Variants in AFAP1L1 observed in about 807,000 individuals in gnomAD.
AFAP1L1 encodes actin filament-associated protein 1-like 1.
AFAP1L1 carries 77 observed loss-of-function variants against 99.8 expected under a neutral mutation model. The observed-to-expected ratio is 0.77, with a 90% confidence interval of 0.64 to 0.93. AFAP1L1 has a LOEUF of 0.93. AFAP1L1 is among the 40% of genes least tolerant of loss of function. The pLI, the probability that AFAP1L1 is intolerant of heterozygous loss-of-function variation, is 0.00. For synonymous variants in AFAP1L1, 373 were observed against 395.3 expected (o/e 0.94, Z 0.67); for missense variants, 893 against 996.8 (o/e 0.90, Z 1.40).
intron 6 of AFAP1L1, 41 bp from the exon 7 acceptor site, chr5:149,307,361 A>G (rs1437417217): frequency 6.2e-6 from 10 of 1,605,740 alleles, no homozygotes; most frequent in Non-Finnish European, 7.7e-6. Flanking sequence ...GTGCTTCCCC[A>G]GGATGGCACA....
intron 1 of AFAP1L1, among the ~76,000 whole-genome samples, chr5:149,275,496 C>CTT (rs1755288345): frequency 2.0e-5 from 3 of 151,332 alleles, no homozygotes; most frequent in Non-Finnish European, 4.4e-5. Context: ...TTCCTTCTTT[C>CTT]CTCTTTCTTC....
chr5:149,316,133 G>A lies in AFAP1L1; in HGVS notation c.1115-18G>A, dbSNP rs1425979058. ...GACTCAGGGCTCCCTCCACTCCCCT[G>A]ACCCATTTCCCCAACAGGCAAAGGG... On this transcript the variant is annotated intron_variant, in intron 10 of 18. Coordinates refer to ENST00000296721, the MANE Select transcript of AFAP1L1 (RefSeq NM_152406.4). 6.2e-7 allele frequency: 1 copy of A among 1,611,022 alleles called. No individual in the cohort carries two copies. Among genetic ancestry groups the A allele is most frequent in the African/African-American group, 1.3e-5 (1 of 74,896 alleles).
intron 16 of AFAP1L1, among the ~76,000 whole-genome samples, chr5:149,331,385 C>T (rs1014053059): frequency 7.9e-5 from 12 of 152,140 alleles, no homozygotes; most frequent in African/African-American, 2.9e-4. Flanking sequence ...CTTTGGGAGG[C>T]TGAGGTGGGC....
Position 149,320,360 on chromosome 5 carries a change from T to C in AFAP1L1, c.1626-31T>C. The C allele has an allele frequency of 6.2e-7, 1 of 1,607,614 alleles. No individual in the cohort carries two copies. The highest frequency in any genetic ancestry group is 8.5e-7 in the Non-Finnish European group (1 of 1,174,294). On this transcript the variant is annotated intron_variant, in intron 13 of 18. Coordinates refer to ENST00000296721, the MANE Select transcript of AFAP1L1 (RefSeq NM_152406.4). The surrounding 1 kb of genome is among the most constrained non-coding windows in gnomAD (Gnocchi z 4.0). Reference sequence around the variant, plus strand: ...GTAAGCTGCAAAGCATCATTGTCATTGTCATTGTCATCGTACATTTTATTT... The same window carrying C: ...GTAAGCTGCAAAGCATCATTGTCATCGTCATTGTCATCGTACATTTTATTT...
Position 149,300,213 on chromosome 5 carries a change from C to G in AFAP1L1, c.146-58C>G, listed in dbSNP as rs574749669. Reference sequence around the variant, plus strand: ...ATGTGGGCTAGAAGTATGAGTGGGACGGGGGAGACCTGGTCCCTCCTCCTT... The same window carrying G: ...ATGTGGGCTAGAAGTATGAGTGGGAGGGGGGAGACCTGGTCCCTCCTCCTT... On this transcript the variant is annotated intron_variant, in intron 2 of 18. Transcript: ENST00000296721. 19 of 1,301,838 alleles carry G rather than the reference C, an allele frequency of 1.5e-5. No individual in the cohort carries two copies. The South Asian group carries it at 2.4e-4, about 16-fold the overall frequency. 80.6% of individuals were successfully genotyped at this position (1,301,838 alleles called of 1,614,324 possible).
Position 149,341,075 on chromosome 5 carries a change from C to A in AFAP1L1, c.*1045C>A, listed in dbSNP as rs1418443716. On this transcript the variant is annotated 3_prime_UTR_variant, in exon 19 of 19. Coordinates refer to ENST00000296721, the MANE Select transcript of AFAP1L1 (RefSeq NM_152406.4). ...AGTCCTGGGCAGTCTCCTTACTGTG[C>A]TACTCACTACTGTCTCAACACTGTA... The A allele has an allele frequency of 6.6e-6, 1 of 152,236 alleles. No homozygotes were observed. The highest frequency in any genetic ancestry group is 6.5e-5 in the Admixed American group (1 of 15,288). 9.4% of individuals were successfully genotyped at this position (152,236 alleles called of 1,614,324 possible). A position where few individuals can be genotyped will look rare whatever the true frequency, so the allele number is the denominator to read the frequency against.
Position 149,315,911 on chromosome 5 carries a change from C to A in AFAP1L1, c.1111C>A (p.His371Asn). 1 of 1,614,120 alleles carries A rather than the reference C, an allele frequency of 6.2e-7. No individual in the cohort carries two copies. The highest frequency in any genetic ancestry group is 1.1e-5 in the South Asian group (1 of 91,070). The change falls in exon 10 of 19, where the codon CAC becomes AAC. Residue 371 changes from histidine to asparagine, a missense_variant. Transcript: ENST00000296721. ...CCTTGGCCGCCGGGAGACCTGTGAT[C>A]ACGGTAGGAGCCTCTGGGGGCTCAG... ...STLGRRETCD[H>N]GKGKKSSLAE...
chr5:149,295,650 G>T (rs1488468922), intron 1 of AFAP1L1, among the ~76,000 whole-genome samples: 1 of 151,610 alleles, frequency 6.6e-6, no homozygotes, highest in Admixed American at 6.6e-5. Flanking sequence ...AGGGAAGGAA[G>T]GAAGGGAGGG....
At chr5:149,281,145 G>T (rs1042070397) in intron 1 of AFAP1L1, among the ~76,000 whole-genome samples, 1 of 152,046 alleles carries the variant, frequency 6.6e-6, no homozygotes, top group Non-Finnish European at 1.5e-5. Context: ...CATTCACGGT[G>T]GGGGGGTTGC....
At chr5:149,330,718 C>G (rs1215597423) in intron 16 of AFAP1L1, among the ~76,000 whole-genome samples, 1 of 152,182 alleles carries the variant, frequency 6.6e-6, no homozygotes, top group Admixed American at 6.5e-5. Flanking sequence ...GGATTTGGAG[C>G]AAGTTGACTC....
chr5:149,329,761 A>G lies in AFAP1L1; in HGVS notation c.1906A>G (p.Ile636Val), dbSNP rs938461447. 1.9e-6 allele frequency: 3 copies of G among 1,613,960 alleles called. No individual in the cohort carries two copies. Reference protein sequence around the residue: ...KEKLEKEKETIRTELIALRQE... With the variant: ...KEKLEKEKETVRTELIALRQE... ...GAAGCTGGAGAAAGAGAAAGAGACG[A>G]TTCGGACAGAGCTGATAGCACTGAG... is the stretch of plus-strand genomic sequence containing the variant. Residue 636 changes from isoleucine (I) to valine (V), a missense_variant, in exon 16 of 19, where the codon ATT becomes GTT. Coordinates refer to ENST00000296721, the MANE Select transcript of AFAP1L1 (RefSeq NM_152406.4).
intron 1 of AFAP1L1, among the ~76,000 whole-genome samples, chr5:149,276,483 A>G (rs904121313): frequency 1.3e-5 from 2 of 152,250 alleles, no homozygotes; most frequent in African/African-American, 2.4e-5. Context: ...CTTCTACAGA[A>G]CAAGTTAATT....
At position 149,335,696 on chromosome 5, in the gene AFAP1L1, C is replaced by A; in HGVS notation, c.2257C>A (p.Gln753Lys). The A allele has an allele frequency of 6.2e-7, 1 of 1,614,020 alleles. No homozygotes were observed. The highest frequency in any genetic ancestry group is 8.5e-7 in the Non-Finnish European group (1 of 1,180,022). The change falls in exon 18 of 19, where the codon CAA (glutamine) becomes AAA (lysine). Residue 753 changes from glutamine (Q) to lysine (K), a missense_variant. Transcript: ENST00000296721. ...GAGCCCATCCATCGTAGCCTCCAACCAAGGAAGGGTGCTACAGAAAGCCAA... is the reference window on the plus strand; with the variant it reads ...GAGCCCATCCATCGTAGCCTCCAACAAAGGAAGGGTGCTACAGAAAGCCAA... The part of the protein sequence containing the change: ...KRSPSIVASN[Q>K]GRVLQKAKEW...
At chr5:149,329,862 T>C (rs755796021) in intron 16 of AFAP1L1, 32 bp downstream of exon 16, 49 of 1,558,140 alleles carry the variant, frequency 3.1e-5, no homozygotes, top group Non-Finnish European at 4.0e-5. Flanking sequence ...TGAGCACCTA[T>C]GGGTGGCCAG....
At position 149,319,800 on chromosome 5, in the gene AFAP1L1, A is replaced by G. The variant is rs1179462663; in HGVS notation, c.1625+73A>G. ...TCCATCCCTCTCAGAGGCTGAGTCC[A>G]GCCCTGGGCACTGGGAGGGAAGGGA... On this transcript the variant is annotated intron_variant, in intron 13 of 18. Coordinates refer to ENST00000296721, the MANE Select transcript of AFAP1L1 (RefSeq NM_152406.4). 1.1e-5 allele frequency: 17 copies of G among 1,566,544 alleles called. 1 individual carries two copies. In the South Asian group the frequency reaches 1.5e-4, roughly 14 times the overall value.
At chr5:149,316,127 T>C in intron 10 of AFAP1L1, 24 bp from the exon 11 acceptor site, 5 of 1,605,096 alleles carry the variant, frequency 3.1e-6, no homozygotes, top group Non-Finnish European at 4.3e-6. Flanking sequence ...CTCCCTCCAC[T>C]CCCCTGACCC....
chr5:149,312,458 G>A, intron 9 of AFAP1L1: 1 of 537,780 alleles, frequency 1.9e-6, no homozygotes. Flanking sequence ...CAGGACAGGA[G>A]GAGGTCACAT....
chr5:149,307,499 G>T lies in AFAP1L1; in HGVS notation c.633G>T (p.Glu211Asp). ...AGCCCCGACACCAGTGGCCCTCAGA[G>T]GAGGCCTCCATGCACCTGGTGAGGG... ...SPQPRHQWPS[E>D]EASMHLVREC... Residue 211 changes from glutamate (E) to aspartate (D), a missense_variant, in exon 7 of 19, where the codon GAG (glutamate) becomes GAT (aspartate). By Grantham distance (45) the Glu-to-Asp change is conservative (BLOSUM62 2). Transcript: ENST00000296721. The T allele has an allele frequency of 1.2e-6, 2 of 1,614,154 alleles. No homozygotes were observed. The highest frequency in any genetic ancestry group is 1.7e-6 in the Non-Finnish European group (2 of 1,180,020).
chr5:149,317,082 T>C (rs1316294799), intron 11 of AFAP1L1, among the ~76,000 whole-genome samples: 1 of 152,166 alleles, frequency 6.6e-6, no homozygotes. Flanking sequence ...GGAGGAACAC[T>C]TGAGCCCAGG....
Sources: allele counts gnomAD v4.1 joint callset (sites outside exome capture counted in the v4.1 genomes callset), GRCh38; gene constraint gnomAD v4.1.1; non-coding constraint Gnocchi (gnomAD v3.1); transcripts MANE v1.5; gene names NCBI Gene and HGNC (gene_info 2026-07-23, HGNC 2026-07-21).